Variants in LIMA1 observed in about 807,000 individuals in gnomAD.
The protein encoded by LIMA1 is LIM domain and actin binding 1.
LIMA1 carries 52 observed loss-of-function variants against 62.6 expected under a neutral mutation model. The ratio of observed to expected loss-of-function variants is 0.83; its 90% CI spans 0.67 to 1.05. LIMA1 has a LOEUF of 1.05. Among genes scored for constraint, LIMA1 ranks in the 50% least tolerant of loss-of-function variants. The probability of loss-of-function intolerance (pLI) is 0.00; values close to 1 mark genes in which losing one functional copy is unlikely to be tolerated. For missense variants in LIMA1, 780 were observed against 902.2 expected (o/e 0.86, Z 1.74); for synonymous variants, 302 against 317.8 (o/e 0.95, Z 0.53).
chr12:50,240,366 A>G (rs1179219518), intron 2 of LIMA1, among the ~76,000 whole-genome samples: 2 of 152,152 alleles, frequency 1.3e-5, no homozygotes, highest in Non-Finnish European at 2.9e-5. Flanking sequence ...CACTGATTCA[A>G]TTCGTGTTTT....
At chr12:50,228,388 C>G (rs1171127011) in intron 3 of LIMA1, among the ~76,000 whole-genome samples, 1 of 152,194 alleles carries the variant, frequency 6.6e-6, no homozygotes, top group Non-Finnish European at 1.5e-5. Flanking sequence ...CACAAGATGA[C>G]CAATGACCTT....
chr12:50,209,583 A>AAAGG (rs1941217102), intron 4 of LIMA1, among the ~76,000 whole-genome samples: 1 of 125,702 alleles, frequency 8.0e-6, no homozygotes, highest in African/African-American at 3.4e-5. Flanking sequence ...AAAAAAAAAA[A>AAAGG]AAAAGAAAAA....
chr12:50,200,457 T>G (rs1459639941), intron 7 of LIMA1, among the ~76,000 whole-genome samples: 1 of 152,174 alleles, frequency 6.6e-6, no homozygotes, highest in East Asian at 1.9e-4. Context: ...TGCCTCACCC[T>G]CCCAAAGTGC....
intron 1 of LIMA1, among the ~76,000 whole-genome samples, chr12:50,254,958 G>T (rs1050368646): frequency 6.6e-6 from 1 of 151,798 alleles, no homozygotes; most frequent in African/African-American, 2.4e-5. Flanking sequence ...TACTCGGGAG[G>T]GTGAGGCAGA....
intron 1 of LIMA1, among the ~76,000 whole-genome samples, chr12:50,258,277 G>A (rs1286221529): frequency 2.0e-5 from 3 of 149,382 alleles, no homozygotes; most frequent in Non-Finnish European, 3.0e-5. Flanking sequence ...TATGTATACT[G>A]GCCCATGTAT....
In LIMA1 at chr12:50,241,933, A is replaced by ATTTTTT. The variant is rs577308413; in HGVS notation, c.119+6694_119+6699dup. Among the ~76,000 whole-genome samples, 250 of 36,430 alleles carry ATTTTTT rather than the reference A, an allele frequency of 6.9e-3. 47 individuals carry two copies. Among genetic ancestry groups the ATTTTTT allele is most frequent in the Non-Finnish European group, 9.9e-3 (200 of 20,242 alleles). 23.9% of individuals were successfully genotyped at this position (36,430 alleles called of 152,430 possible). A position where few individuals can be genotyped will look rare whatever the true frequency, so the allele number is the denominator to read the frequency against. On this transcript the variant is annotated intron_variant, in intron 2 of 10. Transcript: ENST00000341247. ...AATTTTGTTCCTCTTTCCTTCCCAGATTTTTTTTTTTTTTTTTTTTTTTTT... is the reference window on the plus strand; with the variant it reads ...AATTTTGTTCCTCTTTCCTTCCCAGATTTTTTTTTTTTTTTTTTTTTTTTTTTTTTT...
Position 50,251,165 on chromosome 12 carries a change from CAT to C in LIMA1, c.-23-2393_-23-2392del, listed in dbSNP as rs1454049064. 3.3e-5 allele frequency among the ~76,000 whole-genome samples: 5 copies of C among 152,174 alleles called. No homozygotes were observed. In the South Asian group the frequency reaches 6.2e-4, roughly 19 times the overall value. On this transcript the variant is annotated intron_variant, in intron 1 of 10. Transcript: ENST00000341247. ...GCTAAACTTAACTATATAAAACTATCATAGTTTTTTTTAAACTCTGTAAGGCA... is the reference window on the plus strand; with the variant it reads ...GCTAAACTTAACTATATAAAACTATCAGTTTTTTTTAAACTCTGTAAGGCA...
chr12:50,245,167 C>T (rs1283293407), intron 2 of LIMA1, among the ~76,000 whole-genome samples: 1 of 152,084 alleles, frequency 6.6e-6, no homozygotes, highest in African/African-American at 2.4e-5. Flanking sequence ...GTAATCCCAG[C>T]ACTTTGGGAG....
At chr12:50,255,210 G>A (rs1941979807) in intron 1 of LIMA1, among the ~76,000 whole-genome samples, 2 of 151,594 alleles carry the variant, frequency 1.3e-5, no homozygotes, top group African/African-American at 4.9e-5. Context: ...ATGGCTTCCT[G>A]AACATAGCCT....
intron 1 of LIMA1, among the ~76,000 whole-genome samples, chr12:50,267,190 C>T (rs1318826912): frequency 6.6e-6 from 1 of 152,094 alleles, no homozygotes; most frequent in Admixed American, 6.6e-5. Context: ...CTGCCTCAGC[C>T]TCCCAAGTAG....
chr12:50,181,717 A>G (rs1940506308), intron 10 of LIMA1, among the ~76,000 whole-genome samples, 187 bp downstream of exon 10: 1 of 152,234 alleles, frequency 6.6e-6, no homozygotes, highest in African/African-American at 2.4e-5. Flanking sequence ...TCAATACACC[A>G]AGAAGTTCCA....
At chr12:50,227,640 C>G (rs1941551393) in intron 3 of LIMA1, among the ~76,000 whole-genome samples, 1 of 152,080 alleles carries the variant, frequency 6.6e-6, no homozygotes, top group Non-Finnish European at 1.5e-5. Flanking sequence ...TTCTCTTATG[C>G]CTTCATGCTG....
intron 6 of LIMA1, 25 bp from the exon 7 acceptor site, chr12:50,200,909 A>AT (rs747560628): frequency 6.2e-7 from 1 of 1,608,924 alleles, no homozygotes; most frequent in Non-Finnish European, 8.5e-7. Context: ...TAACTGTAAA[A>AT]ATTTTTTTAA....
At chr12:50,198,036 T>C (rs1238102676) in intron 7 of LIMA1, among the ~76,000 whole-genome samples, 2 of 152,250 alleles carry the variant, frequency 1.3e-5, no homozygotes, top group Non-Finnish European at 2.9e-5. Flanking sequence ...CTGCCAAGTA[T>C]TTTGTCTTGT....
intron 3 of LIMA1, among the ~76,000 whole-genome samples, chr12:50,223,046 C>G (rs1941474163): frequency 6.6e-6 from 1 of 152,014 alleles, no homozygotes. Context: ...TGGAGAAGTC[C>G]CCAGACTTTC....
At chr12:50,179,899 G>A (rs963404244) in intron 10 of LIMA1, among the ~76,000 whole-genome samples, 6 of 151,578 alleles carry the variant, frequency 4.0e-5, no homozygotes, top group South Asian at 2.1e-4. Flanking sequence ...TGGGATCTCC[G>A]GCCAGGTGCA....
chr12:50,264,640 G>T (rs190576367), intron 1 of LIMA1, among the ~76,000 whole-genome samples: 108 of 152,270 alleles, frequency 7.1e-4, no homozygotes, highest in African/African-American at 2.5e-3. Context: ...TGCCTTACGG[G>T]GTTGTTTTAA....
In LIMA1 at chr12:50,263,851, T is replaced by TATAG. The variant is rs1555210866; in HGVS notation, c.-23-15078_-23-15077insCTAT. Reference sequence around the variant, plus strand: ...TAGAGAGAGTATATATATATATATATAGAGAGTATATATATATATATATAT... The same window carrying TATAG: ...TAGAGAGAGTATATATATATATATATATAGAGAGAGTATATATATATATATATAT... On this transcript the variant is annotated intron_variant, in intron 1 of 10. Transcript: ENST00000341247. 7.0e-3 allele frequency among the ~76,000 whole-genome samples: 900 copies of TATAG among 127,876 alleles called. 33 individuals are homozygous for TATAG. Among genetic ancestry groups the TATAG allele is most frequent in the Admixed American group, 0.044 (494 of 11,318 alleles). 83.9% of individuals were successfully genotyped at this position (127,876 alleles called of 152,430 possible).
intron 2 of LIMA1, among the ~76,000 whole-genome samples, chr12:50,239,218 G>GA (rs1187017408): frequency 6.6e-6 from 1 of 151,484 alleles, no homozygotes; most frequent in East Asian, 1.9e-4. Flanking sequence ...TAAGTCCTTT[G>GA]AAAAAAAAGA....
Sources: gnomAD v4.1 joint callset for allele counts (sites outside exome capture counted in the v4.1 genomes callset) on GRCh38, gnomAD v4.1.1 for gene constraint, MANE v1.5 for transcripts, NCBI Gene and HGNC (gene_info 2026-07-23, HGNC 2026-07-21) for gene names.